Variants in CCDC171 observed in about 807,000 individuals in gnomAD.
The protein encoded by CCDC171 is coiled-coil domain-containing protein 171.
CCDC171 carries 177 observed loss-of-function variants against 168.2 expected under a neutral mutation model. The observed-to-expected ratio is 1.05, with a 90% CI of 0.93 to 1.19. CCDC171 has a LOEUF of 1.19. Ranked by LOEUF, CCDC171 falls within the 50% of genes most tolerant of loss-of-function variation. The probability of loss-of-function intolerance (pLI) is 0.00; values close to 1 mark genes in which losing one functional copy is unlikely to be tolerated. For synonymous variants in CCDC171, 687 were observed against 540.8 expected (o/e 1.27, Z -3.75); for missense variants, 1,991 against 1,539.0 (o/e 1.29, Z -4.91).
At chr9:15,930,862 G>C (rs1391217488) in intron 25 of CCDC171, among the ~76,000 whole-genome samples, 1 of 151,420 alleles carries the variant, frequency 6.6e-6, no homozygotes, top group East Asian at 1.9e-4. Flanking sequence ...ATATATCTGG[G>C]GTATAATTTG....
chr9:15,635,688 C>G (rs759383996), intron 7 of CCDC171, among the ~76,000 whole-genome samples: 1 of 152,186 alleles, frequency 6.6e-6, no homozygotes, highest in African/African-American at 2.4e-5. Context: ...AGTTGACACT[C>G]GGTATTAACC....
At chr9:15,847,819 G>A (rs979301989) in intron 22 of CCDC171, among the ~76,000 whole-genome samples, 4 of 151,976 alleles carry the variant, frequency 2.6e-5, no homozygotes, top group Non-Finnish European at 5.9e-5. Context: ...TTGCCACAGG[G>A]TTTGTGACAT....
chr9:15,656,523 C>G (rs950212241), intron 7 of CCDC171, among the ~76,000 whole-genome samples: 2 of 152,098 alleles, frequency 1.3e-5, no homozygotes, highest in African/African-American at 4.8e-5. Context: ...CAATTGTGGT[C>G]TATTAATAAA....
intron 18 of CCDC171, among the ~76,000 whole-genome samples, chr9:15,773,713 G>GT (rs2057137253): frequency 7.0e-6 from 1 of 142,108 alleles, no homozygotes; most frequent in Non-Finnish European, 1.5e-5. Flanking sequence ...ATTTTTTTTT[G>GT]TTTTTTCATT....
chr9:15,573,381 T>G (rs2040387846), intron 3 of CCDC171, among the ~76,000 whole-genome samples: 1 of 152,092 alleles, frequency 6.6e-6, no homozygotes, highest in South Asian at 2.1e-4. Context: ...TTCAAGTGAT[T>G]GGAGAATCAC....
chr9:15,967,544 C>T (rs1331870294), intron 25 of CCDC171, among the ~76,000 whole-genome samples: 1 of 152,012 alleles, frequency 6.6e-6, no homozygotes, highest in African/African-American at 2.4e-5. Context: ...GGTTAATGTC[C>T]CTCAAAAAAG....
chr9:15,598,831 T>C (rs2042594559), intron 6 of CCDC171, among the ~76,000 whole-genome samples: 2 of 152,188 alleles, frequency 1.3e-5, no homozygotes, highest in Admixed American at 1.3e-4. Context: ...ATCTGGGTGC[T>C]CCTGTATTGG....
chr9:15,867,600 A>G lies in CCDC171; in HGVS notation c.3469-6932A>G, dbSNP rs372260496. Among the ~76,000 whole-genome samples, 4 of 152,094 alleles carry G rather than the reference A, an allele frequency of 2.6e-5. 1 individual carries two copies. The highest frequency in any genetic ancestry group is 1.3e-4 in the Admixed American group (2 of 15,240). On this transcript the variant is annotated intron_variant, in intron 23 of 25. Coordinates refer to ENST00000380701, the MANE Select transcript of CCDC171 (RefSeq NM_173550.4). Reference sequence around the variant, plus strand: ...AGCTGTCTTGTGTGTCATTATTCATATTGTTCGGTGTCATTCTGACCTAGC... The same window carrying G: ...AGCTGTCTTGTGTGTCATTATTCATGTTGTTCGGTGTCATTCTGACCTAGC...
At chr9:15,851,403 C>T (rs1332651127) in intron 23 of CCDC171, among the ~76,000 whole-genome samples, 3 of 138,728 alleles carry the variant, frequency 2.2e-5, no homozygotes, top group African/African-American at 5.4e-5. Context: ...TAATGTAGGT[C>T]AGAAGTTAAT....
At chr9:15,740,720 A>T in intron 16 of CCDC171, among the ~76,000 whole-genome samples, 1 of 152,022 alleles carries the variant, frequency 6.6e-6, no homozygotes, top group East Asian at 1.9e-4. Flanking sequence ...GATTACAGGC[A>T]TGAGCCACCG....
chr9:16,013,621 A>T (rs1449813094), intron 3 of CCDC171, among the ~76,000 whole-genome samples: 1 of 152,112 alleles, frequency 6.6e-6, no homozygotes, highest in Non-Finnish European at 1.5e-5. Context: ...TCTCATCTCT[A>T]ACTTTAAGAT....
chr9:15,861,952 G>A (rs755305365), intron 23 of CCDC171, among the ~76,000 whole-genome samples: 4 of 151,856 alleles, frequency 2.6e-5, no homozygotes, highest in African/African-American at 4.8e-5. Context: ...CTCAGCTTTT[G>A]TCAGGGAAAT....
In CCDC171 at chr9:15,777,685, A is replaced by T. The variant is rs575910663; in HGVS notation, c.2757A>T (p.Val919=). ...FAKLMDKISL[V]MECIPLHSSR... ...AACTCATGGATAAAATTAGTCTGGTAATGGAATGTATACCTCTGCACAGTA... is the reference window on the plus strand; with the variant it reads ...AACTCATGGATAAAATTAGTCTGGTTATGGAATGTATACCTCTGCACAGTA... Residue 919 remains valine, a synonymous_variant, in exon 19 of 26, where the codon GTA becomes GTT. Transcript: ENST00000380701. 3.1e-6 allele frequency: 5 copies of T among 1,614,036 alleles called. No individual in the cohort carries two copies. The African/African-American group carries it at 4.0e-5, about 13-fold the overall frequency.
chr9:15,703,872 A>G (rs751874836), intron 11 of CCDC171, among the ~76,000 whole-genome samples: 4 of 152,182 alleles, frequency 2.6e-5, no homozygotes, highest in African/African-American at 4.8e-5. Context: ...ACCATCTTCT[A>G]TGGGCATGGT....
intron 24 of CCDC171, among the ~76,000 whole-genome samples, chr9:15,909,603 T>C (rs1021879384): frequency 2.6e-5 from 4 of 152,196 alleles, no homozygotes; most frequent in African/African-American, 4.8e-5. Flanking sequence ...GGGGATTTTA[T>C]TGGAGTCACA....
intron 21 of CCDC171, among the ~76,000 whole-genome samples, chr9:15,834,622 G>A (rs560819023): frequency 6.6e-6 from 1 of 152,132 alleles, no homozygotes; most frequent in Non-Finnish European, 1.5e-5. Flanking sequence ...GTGCTGGCGA[G>A]TATTATTTTC....
chr9:16,078,677 C>A, the CCDC171 span, among the ~76,000 whole-genome samples: 10 of 152,162 alleles, frequency 6.6e-5, no homozygotes, highest in Non-Finnish European at 1.3e-4. Flanking sequence ...TAAACCTAGT[C>A]ATAGCACCAC....
At chr9:15,845,743 TA>T (rs2060868654) in intron 21 of CCDC171, 1 of 152,106 alleles carries the variant, frequency 6.6e-6, no homozygotes, top group South Asian at 2.1e-4. Flanking sequence ...ACAAATTTAA[TA>T]AAAAACTGTT....
intron 9 of CCDC171, among the ~76,000 whole-genome samples, chr9:15,677,348 G>T (rs974145846): frequency 6.6e-6 from 1 of 152,004 alleles, no homozygotes; most frequent in Non-Finnish European, 1.5e-5. Context: ...ATCTAAAGGA[G>T]AATATACAAA....
Sources: allele counts gnomAD v4.1 joint callset (sites outside exome capture counted in the v4.1 genomes callset), GRCh38; gene constraint gnomAD v4.1.1; transcripts MANE v1.5; gene names NCBI Gene and HGNC (gene_info 2026-07-23, HGNC 2026-07-21).